ADAMTS12: variants seen among roughly 807,000 people sequenced by gnomAD.
The protein encoded by ADAMTS12 is ADAM metallopeptidase with thrombospondin type 1 motif 12.
A neutral mutation model predicts 167.8 loss-of-function variants in ADAMTS12; 118 were observed. The observed-to-expected ratio is 0.70, with a 90% CI of 0.61 to 0.82. ADAMTS12 has a LOEUF of 0.82. Among genes scored for constraint, ADAMTS12 ranks in the 40% least tolerant of loss-of-function variants. The pLI is 0.00. For synonymous variants in ADAMTS12, 704 were observed against 716.9 expected, an observed-to-expected ratio of 0.98 and a Z score of 0.29; for missense variants, 1,916 against 1,998.8, an observed-to-expected ratio of 0.96 and a Z score of 0.79.
chr5:33,683,162 G>C (rs1248348017), intron 4 of ADAMTS12, 61 bp from the exon 5 acceptor site: 1 of 1,283,858 alleles, frequency 7.8e-7, no homozygotes, highest in Non-Finnish European at 1.1e-6. Context: ...AAATACCAGA[G>C]AAGAAAATAG....
chr5:33,762,358 G>C (rs928501548), intron 2 of ADAMTS12, among the ~76,000 whole-genome samples: 4 of 149,898 alleles, frequency 2.7e-5, no homozygotes, highest in African/African-American at 9.8e-5. Context: ...AATACAAAAA[G>C]TTAGCGGGGC....
intron 2 of ADAMTS12, among the ~76,000 whole-genome samples, chr5:33,844,027 A>G (rs1748848266): frequency 6.6e-6 from 1 of 152,202 alleles, no homozygotes; most frequent in Non-Finnish European, 1.5e-5. Flanking sequence ...CTTTACTGCA[A>G]TCTCTGAACA....
intron 3 of ADAMTS12, among the ~76,000 whole-genome samples, chr5:33,689,488 C>T (rs78643504): frequency 0.13 from 19,267 of 152,066 alleles, 1,704 homozygotes; most frequent in South Asian, 0.43. Flanking sequence ...CCCCACCAGT[C>T]TTCAGCAATG....
chr5:33,615,636 T>C (rs369846267), intron 15 of ADAMTS12, among the ~76,000 whole-genome samples, 192 bp downstream of exon 15: 1 of 152,152 alleles, frequency 6.6e-6, no homozygotes, highest in East Asian at 1.9e-4. Flanking sequence ...TGCATTTTGT[T>C]ATGGGGGTTT....
chr5:33,775,111 A>G (rs1220588969), intron 2 of ADAMTS12, among the ~76,000 whole-genome samples: 1 of 152,168 alleles, frequency 6.6e-6, no homozygotes, highest in Non-Finnish European at 1.5e-5. Context: ...GTGTTTGGGA[A>G]CCACTGGAAG....
chr5:33,723,831 G>T (rs528017968), intron 3 of ADAMTS12, among the ~76,000 whole-genome samples: 1 of 152,332 alleles, frequency 6.6e-6, no homozygotes, highest in South Asian at 2.1e-4. Flanking sequence ...TTCACAGCTG[G>T]TGCCCTCTTC....
chr5:33,758,480 G>A (rs552858555), intron 2 of ADAMTS12, among the ~76,000 whole-genome samples: 2 of 152,316 alleles, frequency 1.3e-5, no homozygotes, highest in Admixed American at 6.5e-5. Flanking sequence ...AGGCAATGGA[G>A]TAAGTTGTTC....
chr5:33,676,709 G>C (rs5021088), intron 5 of ADAMTS12, among the ~76,000 whole-genome samples: 71,174 of 125,424 alleles, frequency 0.57, 17,749 homozygotes, highest in Non-Finnish European at 0.58. Flanking sequence ...CACACACACA[G>C]AGAGAGAGAG....
At chr5:33,727,765 C>A (rs867505322) in intron 3 of ADAMTS12, among the ~76,000 whole-genome samples, 6 of 152,358 alleles carry the variant, frequency 3.9e-5, no homozygotes, top group Middle Eastern at 3.4e-3. Context: ...AAAAGTCCTA[C>A]AGACCATCCT....
intron 2 of ADAMTS12, among the ~76,000 whole-genome samples, chr5:33,850,143 C>T (rs1322104989): frequency 6.6e-6 from 1 of 152,166 alleles, no homozygotes; most frequent in Non-Finnish European, 1.5e-5. Context: ...GAGCAGATCT[C>T]ACCACCAGAC....
chr5:33,770,850 TCTTCC>T (rs1745712067), intron 2 of ADAMTS12, among the ~76,000 whole-genome samples: 2 of 150,690 alleles, frequency 1.3e-5, no homozygotes, highest in South Asian at 2.1e-4. Context: ...CTCCTCCTCC[TCTTCC>T]TCCTCCTCCT....
At chr5:33,643,288 A>G in intron 10 of ADAMTS12, 90 bp downstream of exon 10, 1 of 1,295,016 alleles carries the variant, frequency 7.7e-7, no homozygotes, top group Middle Eastern at 2.3e-4. Flanking sequence ...CTTCCCTTAG[A>G]GAGAGTTGCC....
intron 5 of ADAMTS12, among the ~76,000 whole-genome samples, chr5:33,662,991 C>A (rs1427548729): frequency 6.6e-6 from 1 of 152,190 alleles, no homozygotes; most frequent in Non-Finnish European, 1.5e-5. Context: ...TATGAGCTTG[C>A]TTCTCTACCA....
At chr5:33,631,100 G>A (rs1739906543) in intron 12 of ADAMTS12, among the ~76,000 whole-genome samples, 187 bp from the exon 13 acceptor site, 1 of 151,830 alleles carries the variant, frequency 6.6e-6, no homozygotes, top group Non-Finnish European at 1.5e-5. Flanking sequence ...CTGAATCCAA[G>A]GATTATTTTT....
At chr5:33,878,749 AG>A (rs953833149) in intron 2 of ADAMTS12, among the ~76,000 whole-genome samples, 2 of 152,206 alleles carry the variant, frequency 1.3e-5, no homozygotes, top group Non-Finnish European at 2.9e-5. Flanking sequence ...ATCTCCTGCC[AG>A]GGAGCTTTAA....
chr5:33,878,434 G>A (rs758479326), intron 2 of ADAMTS12, among the ~76,000 whole-genome samples: 10 of 152,078 alleles, frequency 6.6e-5, no homozygotes, highest in East Asian at 1.9e-4. Flanking sequence ...TCTGAACGTC[G>A]TATGAATCTG....
chr5:33,675,544 C>T (rs1237990364), intron 5 of ADAMTS12, among the ~76,000 whole-genome samples: 1 of 152,162 alleles, frequency 6.6e-6, no homozygotes, highest in Non-Finnish European at 1.5e-5. Context: ...CTTCCTATTC[C>T]TATTTAAAGT....
chr5:33,634,461 A>G (rs1228134350), intron 12 of ADAMTS12, among the ~76,000 whole-genome samples: 5 of 152,184 alleles, frequency 3.3e-5, no homozygotes, highest in Admixed American at 3.3e-4. Flanking sequence ...CCCAAGAAAT[A>G]CTAAACCCCA....
chr5:33,702,848 C>A (rs1743051548), intron 3 of ADAMTS12, among the ~76,000 whole-genome samples: 1 of 152,100 alleles, frequency 6.6e-6, no homozygotes, highest in Non-Finnish European at 1.5e-5. Flanking sequence ...GATGTAGGAC[C>A]CTCATGCCTT....
Sources: allele counts gnomAD v4.1 joint callset (sites outside exome capture counted in the v4.1 genomes callset), GRCh38; gene constraint gnomAD v4.1.1; transcripts MANE v1.5; gene names NCBI Gene and HGNC (gene_info 2026-07-23, HGNC 2026-07-21).